Variants in PI4KA observed in about 807,000 individuals in gnomAD.
PI4KA encodes the protein phosphatidylinositol 4-kinase alpha, also known as PI4-kinase alpha.
A neutral mutation model predicts 271.4 loss-of-function variants in PI4KA; 122 were observed. That is an observed-to-expected ratio of 0.45 (90% CI 0.39 to 0.52). PI4KA has a LOEUF of 0.52. Among genes scored for constraint, PI4KA ranks in the 20% least tolerant of loss-of-function variants. The probability of loss-of-function intolerance (pLI) is 0.00; values close to 1 mark genes in which losing one functional copy is unlikely to be tolerated. For synonymous variants in PI4KA, 1,041 were observed against 1,078.8 expected (o/e 0.96, Z 0.69); for missense variants, 1,969 against 2,769.1 (o/e 0.71, Z 6.48).
chr22:20,764,594 G>A (rs566278650), intron 22 of PI4KA: 209 of 500,394 alleles, frequency 4.2e-4, no homozygotes, highest in Non-Finnish European at 6.7e-4. Flanking sequence ...TCAGAGAGAA[G>A]ATGATGCGGA....
At chr22:20,805,188 A>G (rs765606981) in intron 10 of PI4KA, 23 bp from the exon 11 acceptor site, 6 of 1,561,422 alleles carry the variant, frequency 3.8e-6, no homozygotes, top group East Asian at 2.2e-5. Context: ...GTGTGGCATC[A>G]CAGCTGGGAA....
intron 19 of PI4KA, among the ~76,000 whole-genome samples, chr22:20,781,292 G>T (rs576061142): frequency 6.6e-6 from 1 of 152,310 alleles, no homozygotes; most frequent in Admixed American, 6.5e-5. Flanking sequence ...TCTCTAAGCT[G>T]AGAGTGTGGA....
Position 20,729,435 on chromosome 22 carries a change from G to T in PI4KA, c.4560C>A (p.Ala1520=). ...TCCAGTTGGCCACGCTGTTCTCTCC[G>T]GCCTGGTCTAGTTCCAGTTCCGGGG... ...LSAPELELDQ[A]GENSVANWRS... is the part of the protein sequence containing the mutation. The change falls in exon 39 of 55, where the codon GCC becomes GCA. Residue 1520 remains alanine (A), a synonymous_variant. Coordinates refer to ENST00000255882, the MANE Select transcript of PI4KA (RefSeq NM_058004.4). 6.2e-7 allele frequency: 1 copy of T among 1,612,722 alleles called. No homozygotes were observed.
intron 19 of PI4KA, among the ~76,000 whole-genome samples, chr22:20,774,443 G>A (rs2147450588): frequency 6.6e-6 from 1 of 152,238 alleles, no homozygotes; most frequent in African/African-American, 2.4e-5. Flanking sequence ...CTTGCTCTTG[G>A]GTATTTTCCC....
chr22:20,804,749 C>A (rs1935536612), intron 11 of PI4KA, among the ~76,000 whole-genome samples: 1 of 152,242 alleles, frequency 6.6e-6, no homozygotes, highest in Non-Finnish European at 1.5e-5. Context: ...CCACGGGCAT[C>A]CCCATCCTCC....
At chr22:20,848,183 A>T (rs1306183220) in intron 1 of PI4KA, among the ~76,000 whole-genome samples, 3 of 142,926 alleles carry the variant, frequency 2.1e-5, no homozygotes, top group Non-Finnish European at 4.5e-5. Context: ...GGTTGCAGTG[A>T]GCTGAGATTG....
Position 20,752,891 on chromosome 22 carries a change from A to G in PI4KA, c.2987+12T>C, listed in dbSNP as rs138631380. Reference sequence around the variant, plus strand: ...ACATACACACAAAACATTAGCAGGAAAATGAGCTTACTTATCCACCAGACC... The same window carrying G: ...ACATACACACAAAACATTAGCAGGAGAATGAGCTTACTTATCCACCAGACC... On this transcript the variant is annotated intron_variant, in intron 25 of 54. Transcript: ENST00000255882. 6.2e-7 allele frequency: 1 copy of G among 1,613,476 alleles called. No homozygotes were observed. The highest frequency in any genetic ancestry group is 2.2e-5 in the East Asian group (1 of 44,882).
intron 13 of PI4KA, 31 bp from the exon 14 acceptor site, chr22:20,802,136 G>A: frequency 6.3e-7 from 1 of 1,599,890 alleles, no homozygotes; most frequent in Non-Finnish European, 8.6e-7. Flanking sequence ...TATATACCTA[G>A]TTAGGCCTAT....
chr22:20,737,958 G>A (rs9612833), intron 32 of PI4KA, among the ~76,000 whole-genome samples: 62,278 of 151,970 alleles, frequency 0.41, 13,215 homozygotes, highest in African/African-American at 0.49. Context: ...AAGGCCCACC[G>A]AGGTCTGAGG....
chr22:20,724,623 C>CA (rs1009814082), intron 42 of PI4KA, among the ~76,000 whole-genome samples: 20 of 151,384 alleles, frequency 1.3e-4, no homozygotes, highest in Admixed American at 3.3e-4. Flanking sequence ...ACAAAACGAA[C>CA]AAAAAAAAAT....
At position 20,708,030 on chromosome 22, in the gene PI4KA, C is replaced by G; in HGVS notation, c.*17G>C. 1 of 1,603,906 alleles carries G rather than the reference C, an allele frequency of 6.2e-7. No individual in the cohort carries two copies. Among genetic ancestry groups the G allele is most frequent in the South Asian group, 1.1e-5 (1 of 90,874 alleles). ...CTTTGAGGGCACATGGGGCAGAGGC[C>G]CTCGAAGGTCCCCTCCTCAGTAGGG... On this transcript the variant is annotated 3_prime_UTR_variant, in exon 55 of 55. Coordinates refer to ENST00000255882, the MANE Select transcript of PI4KA (RefSeq NM_058004.4).
At chr22:20,842,419 G>T (rs1925674568) in intron 1 of PI4KA, among the ~76,000 whole-genome samples, 2 of 152,170 alleles carry the variant, frequency 1.3e-5, no homozygotes, top group Admixed American at 1.3e-4. Context: ...TTTATTTACA[G>T]TAGTAATAGG....
chr22:20,722,650 T>C (rs1194903108), intron 42 of PI4KA, among the ~76,000 whole-genome samples: 1 of 152,194 alleles, frequency 6.6e-6, no homozygotes, highest in East Asian at 1.9e-4. Flanking sequence ...CCTAGAGCCA[T>C]AAGTTTTGAA....
At chr22:20,759,739 G>A (rs1011929796) in intron 23 of PI4KA, among the ~76,000 whole-genome samples, 3 of 152,118 alleles carry the variant, frequency 2.0e-5, no homozygotes, top group Admixed American at 2.0e-4. Flanking sequence ...CTAATTTTTT[G>A]TATTTTTAGT....
At chr22:20,771,172 C>T (rs1349326550) in intron 19 of PI4KA, among the ~76,000 whole-genome samples, 4 of 151,764 alleles carry the variant, frequency 2.6e-5, no homozygotes, top group Non-Finnish European at 5.9e-5. Flanking sequence ...CGCCTGTAAT[C>T]CCAGCACTTT....
intron 3 of PI4KA, among the ~76,000 whole-genome samples, chr22:20,829,202 A>AT (rs931868807): frequency 2.0e-5 from 3 of 151,990 alleles, no homozygotes; most frequent in African/African-American, 4.8e-5. Flanking sequence ...CTCCTCCTTA[A>AT]TTTTTTGTAA....
intron 17 of PI4KA, among the ~76,000 whole-genome samples, chr22:20,796,801 T>C (rs1344502573): frequency 6.6e-6 from 1 of 152,232 alleles, no homozygotes; most frequent in Non-Finnish European, 1.5e-5. Flanking sequence ...CAGTATTTTT[T>C]CACATCCAAT....
rs190475388 is a variant in PI4KA, at chr22:20,723,564, C to T, written c.4996-2146G>A. Among the ~76,000 whole-genome samples the T allele has an allele frequency of 6.3e-4, 96 of 151,460 alleles. No individual in the cohort carries two copies. The East Asian group carries it at 0.018, about 29-fold the overall frequency. On this transcript the variant is annotated intron_variant, in intron 42 of 54. Transcript: ENST00000255882. ...TACAAAAATAGGCTGGGTGTGGTGG[C>T]TCACGCCCGTAATCCCAGCACTTTG...
rs141722705 is a variant in PI4KA at position 20,785,922 on chromosome 22, G to A, written c.2328+7271C>T. 9.6e-4 allele frequency: 1,503 copies of A among 1,563,552 alleles called. 10 individuals are homozygous for A. The African/African-American group carries it at 0.014, about 15-fold the overall frequency. ...ATCAATTCTGTGATAAATATAACCC[G>A]TGGCCCTTTAAAGGGAAAATCATGA... is the stretch of plus-strand genomic sequence containing the variant. On this transcript the variant is annotated intron_variant, in intron 19 of 54. Transcript: ENST00000255882.
Sources: allele counts gnomAD v4.1 joint callset (sites outside exome capture counted in the v4.1 genomes callset), GRCh38; gene constraint gnomAD v4.1.1; transcripts MANE v1.5; gene names NCBI Gene and HGNC (gene_info 2026-07-23, HGNC 2026-07-21).